The following PITPNB variants were observed in gnomAD, a reference collection of about 807,000 sequenced individuals.
PITPNB encodes the protein phosphatidylinositol transfer protein beta.
A neutral mutation model predicts 45.9 loss-of-function variants in PITPNB; 16 were observed. The observed-to-expected ratio is 0.35, with a 90% confidence interval of 0.24 to 0.53. The LOEUF (loss-of-function observed/expected upper bound fraction) is 0.53, where lower values mean the gene tolerates loss of function less well. PITPNB is among the 20% of genes least tolerant of loss of function. PITPNB has a pLI of 0.93. For missense variants in PITPNB, 188 were observed against 330.5 expected, an observed-to-expected ratio of 0.57 and a Z score of 3.34; for synonymous variants, 112 against 108.9, an observed-to-expected ratio of 1.03 and a Z score of -0.18.
chr22:27,910,619 T>C (rs5762399), intron 3 of PITPNB: 46,594 of 177,240 alleles, frequency 0.26, 6,765 homozygotes, highest in East Asian at 0.45. Context: ...AAAACTAAAA[T>C]TGATACAAGT....
chr22:27,914,377 T>G, intron 1 of PITPNB, 30 bp from the exon 2 acceptor site: 1 of 1,403,786 alleles, frequency 7.1e-7, no homozygotes, highest in Non-Finnish European at 1.0e-6. Flanking sequence ...AATATATATA[T>G]TACATATGAA....
At chr22:27,870,697 G>A (rs561090119) in intron 8 of PITPNB, among the ~76,000 whole-genome samples, 1 of 152,238 alleles carries the variant, frequency 6.6e-6, no homozygotes, top group East Asian at 1.9e-4. Context: ...TACCCTCAGT[G>A]CCTCCACCAG....
chr22:27,906,652 C>T (rs527382382), intron 3 of PITPNB, among the ~76,000 whole-genome samples: 2 of 152,234 alleles, frequency 1.3e-5, no homozygotes, highest in South Asian at 4.1e-4. Context: ...GAATAAACTC[C>T]CACCTAAAAC....
At chr22:27,901,084 C>CG (rs1315333099) in intron 3 of PITPNB, among the ~76,000 whole-genome samples, 2 of 152,168 alleles carry the variant, frequency 1.3e-5, no homozygotes, top group Admixed American at 6.5e-5. Context: ...AACCAATACT[C>CG]GGAACAGCGT....
intron 3 of PITPNB, among the ~76,000 whole-genome samples, chr22:27,904,505 G>T (rs932944058): frequency 6.6e-6 from 1 of 152,184 alleles, no homozygotes; most frequent in African/African-American, 2.4e-5. Context: ...ATGAATACGA[G>T]ATTTCTTTCT....
intron 7 of PITPNB, among the ~76,000 whole-genome samples, chr22:27,889,169 C>T (rs561803468): frequency 3.4e-4 from 51 of 152,234 alleles, no homozygotes; most frequent in African/African-American, 1.2e-3. Context: ...ATCCTGATAA[C>T]CTGAGGGAGG....
intron 7 of PITPNB, among the ~76,000 whole-genome samples, chr22:27,882,587 AG>A (rs1935004111): frequency 6.6e-6 from 1 of 152,234 alleles, no homozygotes. Flanking sequence ...GCTCAGAAAC[AG>A]TTTAGATAAG....
intron 2 of PITPNB, among the ~76,000 whole-genome samples, chr22:27,912,928 A>T (rs898601953): frequency 7.1e-6 from 1 of 141,372 alleles, no homozygotes; most frequent in Admixed American, 7.6e-5. Flanking sequence ...GGTTGCAGAG[A>T]GCTGAGATCG....
chr22:27,868,056 T>C (rs1331173314), intron 8 of PITPNB, among the ~76,000 whole-genome samples: 1 of 152,156 alleles, frequency 6.6e-6, no homozygotes. Context: ...ATCCAAAATG[T>C]GGTCTAACCA....
Position 27,854,886 on chromosome 22 carries a change from A to G in PITPNB, c.*6T>C. 1 of 1,613,048 alleles carries G rather than the reference A, an allele frequency of 6.2e-7. No individual in the cohort carries two copies. Among genetic ancestry groups the G allele is most frequent in the East Asian group, 2.2e-5 (1 of 44,860 alleles). On this transcript the variant is annotated 3_prime_UTR_variant, in exon 11 of 12. Transcript: ENST00000335272. Reference sequence around the variant, plus strand: ...GACATTGTCTCTGACCCTACAGGGGACTCATCTAGACATCAGCAGCCGACG... The same window carrying G: ...GACATTGTCTCTGACCCTACAGGGGGCTCATCTAGACATCAGCAGCCGACG...
At chr22:27,870,287 A>G (rs1195679927) in intron 8 of PITPNB, among the ~76,000 whole-genome samples, 2 of 152,240 alleles carry the variant, frequency 1.3e-5, no homozygotes, top group Non-Finnish European at 2.9e-5. Flanking sequence ...AGTACCTGGT[A>G]CCAAGGAAAA....
Position 27,853,646 on chromosome 22 carries a change from T to C in PITPNB, c.*56A>G. On this transcript the variant is annotated 3_prime_UTR_variant, in exon 12 of 12. Coordinates refer to ENST00000335272, the MANE Select transcript of PITPNB (RefSeq NM_012399.5). ...CACTGGCTGCGCTTGTTCCCCTCAC[T>C]TGACCTTGATTACGTAACTGTAAGA... The C allele has an allele frequency of 3.2e-6, 5 of 1,550,696 alleles. No individual in the cohort carries two copies. The highest frequency in any genetic ancestry group is 3.5e-6 in the Non-Finnish European group (4 of 1,146,690).
At chr22:27,875,808 C>T (rs531494480) in intron 7 of PITPNB, among the ~76,000 whole-genome samples, 1 of 152,134 alleles carries the variant, frequency 6.6e-6, no homozygotes, top group Non-Finnish European at 1.5e-5. Context: ...AGAACTAACA[C>T]AGTTCTGGCT....
chr22:27,864,512 T>C (rs926075430), intron 8 of PITPNB, among the ~76,000 whole-genome samples: 4 of 152,216 alleles, frequency 2.6e-5, no homozygotes, highest in African/African-American at 9.6e-5. Flanking sequence ...AAAGAAATGA[T>C]ACCACAGATT....
At chr22:27,896,734 G>T in intron 5 of PITPNB, 108 bp from the exon 6 acceptor site, 2 of 697,114 alleles carry the variant, frequency 2.9e-6, no homozygotes, top group Non-Finnish European at 5.1e-6. Context: ...GACTCTACAA[G>T]GAGACTGATA....
chr22:27,885,735 TTAAAG>T (rs1225631523), intron 7 of PITPNB, among the ~76,000 whole-genome samples: 1 of 152,208 alleles, frequency 6.6e-6, no homozygotes, highest in African/African-American at 2.4e-5. Flanking sequence ...AAAGAAGGAA[TTAAAG>T]TAGATTTTAT....
At chr22:27,870,282 C>T (rs1934616591) in intron 8 of PITPNB, among the ~76,000 whole-genome samples, 1 of 152,172 alleles carries the variant, frequency 6.6e-6, no homozygotes, top group African/African-American at 2.4e-5. Context: ...TGTATAGTAC[C>T]TGGTACCAAG....
At chr22:27,859,933 A>G (rs1269004334) in intron 9 of PITPNB, among the ~76,000 whole-genome samples, 198 bp downstream of exon 9, 1 of 152,224 alleles carries the variant, frequency 6.6e-6, no homozygotes, top group Non-Finnish European at 1.5e-5. Context: ...TTGTCTCCAA[A>G]GAAAGTCCCT....
intron 3 of PITPNB, 116 bp downstream of exon 3, chr22:27,910,848 T>C: frequency 1.4e-6 from 1 of 712,834 alleles, no homozygotes; most frequent in Non-Finnish European, 2.5e-6. Context: ...TAAAATGCAA[T>C]ATATTATCAA....
Sources: gnomAD v4.1 joint callset for allele counts (sites outside exome capture counted in the v4.1 genomes callset) on GRCh38, gnomAD v4.1.1 for gene constraint, MANE v1.5 for transcripts, NCBI Gene and HGNC (gene_info 2026-07-23, HGNC 2026-07-21) for gene names.